The following ACACB variants were observed in gnomAD, a reference collection of about 807,000 sequenced individuals.
ACACB encodes acetyl-CoA carboxylase 2.
Under a neutral mutation model 278.8 loss-of-function variants are expected in ACACB, and 209 were observed. That is an observed-to-expected ratio of 0.75 (90% CI 0.67 to 0.84). The LOEUF is 0.84. ACACB is among the 40% of genes least tolerant of loss of function. ACACB has a pLI of 0.00. For missense variants in ACACB, 2,850 were observed against 3,269.0 expected (o/e 0.87, Z 3.13); for synonymous variants, 1,174 against 1,285.6 (o/e 0.91, Z 1.86).
chr12:109,149,142 G>A (rs577669951), intron 2 of ACACB, among the ~76,000 whole-genome samples: 68 of 152,240 alleles, frequency 4.5e-4, no homozygotes, highest in South Asian at 2.1e-3. Flanking sequence ...ATCAGTCAAC[G>A]AACTGCTAGT....
At chr12:109,229,927 G>A (rs2046420548) in intron 28 of ACACB, among the ~76,000 whole-genome samples, 2 of 152,168 alleles carry the variant, frequency 1.3e-5, no homozygotes, top group African/African-American at 2.4e-5. Context: ...TTTAGGTCAG[G>A]TAGAGTGGGA....
chr12:109,218,262 T>C (rs7358629), intron 24 of ACACB, among the ~76,000 whole-genome samples: 52,521 of 151,084 alleles, frequency 0.35, 9,588 homozygotes, highest in African/African-American at 0.47. Context: ...AGTGCAGTGG[T>C]GCCATCATGG....
intron 49 of ACACB, 54 bp from the exon 50 acceptor site, chr12:109,264,178 C>A: frequency 1.3e-6 from 2 of 1,574,104 alleles, no homozygotes; most frequent in Non-Finnish European, 1.7e-6. Context: ...AATCTCCACC[C>A]CATCACATAT....
At chr12:109,195,558 A>C (rs1286599516) in intron 16 of ACACB, among the ~76,000 whole-genome samples, 1 of 152,206 alleles carries the variant, frequency 6.6e-6, no homozygotes, top group Non-Finnish European at 1.5e-5. Flanking sequence ...AGGAAAACAA[A>C]TCCATCATGT....
rs544502510 is a variant in ACACB, at chr12:109,172,214, A to G, written c.1036-61A>G. On this transcript the variant is annotated intron_variant, in intron 5 of 52. Coordinates refer to ENST00000338432, the MANE Select transcript of ACACB (RefSeq NM_001093.4). ...TGGGGTTATAGGCGTGAGTTACTGC[A>G]CCTGGCTGGGAGGCATATTCTTGAA... 163 of 1,526,410 alleles carry G rather than the reference A, an allele frequency of 1.1e-4. 3 individuals carry two copies. The South Asian group carries it at 1.6e-3, about 15-fold the overall frequency. The allele number at this position is 1,526,410 out of a possible 1,614,324, so 94.6% of individuals were successfully genotyped here. A position where few individuals can be genotyped will look rare whatever the true frequency, so the allele number is the denominator to read the frequency against.
intron 34 of ACACB, 97 bp from the exon 35 acceptor site, chr12:109,239,733 T>C: frequency 7.3e-7 from 1 of 1,368,086 alleles, no homozygotes. Context: ...GGGAATGTTT[T>C]CCTCCTGTCT....
chr12:109,209,995 ATG>A lies in ACACB; in HGVS notation c.3249+646_3249+647del, dbSNP rs1438575526. Among the ~76,000 whole-genome samples, 12 of 114,160 alleles carry A rather than the reference ATG, an allele frequency of 1.1e-4. 2 individuals carry two copies. Among genetic ancestry groups the A allele is most frequent in the African/African-American group, 4.0e-4 (10 of 24,822 alleles). 74.9% of individuals were successfully genotyped at this position (114,160 alleles called of 152,430 possible). A position where few individuals can be genotyped will look rare whatever the true frequency, so the allele number is the denominator to read the frequency against. On this transcript the variant is annotated intron_variant, in intron 21 of 52. Coordinates refer to ENST00000338432, the MANE Select transcript of ACACB (RefSeq NM_001093.4). The stretch of plus-strand genomic sequence containing the variant: ...CACATACACACACGTGTGTGTATAT[ATG>A]TGTATATGTGTATATATACACACGT...
upstream of ACACB, among the ~76,000 whole-genome samples, chr12:109,112,630 C>G (rs1252800088): frequency 6.9e-6 from 1 of 145,974 alleles, no homozygotes; most frequent in Non-Finnish European, 1.5e-5. Context: ...TGAACCCGGG[C>G]GATCGCACCA....
chr12:109,261,555 G>T (rs1199035227), intron 48 of ACACB, among the ~76,000 whole-genome samples: 3 of 152,132 alleles, frequency 2.0e-5, no homozygotes, highest in African/African-American at 7.2e-5. Flanking sequence ...GGGGCAGGGG[G>T]AGAATAAGGG....
chr12:109,150,761 A>G (rs1379930748), intron 2 of ACACB, among the ~76,000 whole-genome samples: 1 of 152,178 alleles, frequency 6.6e-6, no homozygotes, highest in African/African-American at 2.4e-5. Context: ...CACATCTCTT[A>G]TCGGCTCCAA....
chr12:109,222,768 C>A, intron 25 of ACACB, 31 bp from the exon 26 acceptor site: 1 of 1,589,612 alleles, frequency 6.3e-7, no homozygotes, highest in Non-Finnish European at 8.6e-7. Context: ...GAGGTTGGCT[C>A]ACGCCAGCGC....
intron 13 of ACACB, 144 bp from the exon 14 acceptor site, chr12:109,191,469 C>T (rs1408806652): frequency 2.1e-6 from 2 of 970,520 alleles, no homozygotes; most frequent in African/African-American, 3.2e-5. Flanking sequence ...CTACCTCAGC[C>T]TCCCAAAGTG....
chr12:109,238,467 ATATAAT>A (rs2046701379), intron 34 of ACACB, among the ~76,000 whole-genome samples: 4 of 101,784 alleles, frequency 3.9e-5, no homozygotes, highest in South Asian at 7.2e-4. Context: ...ATAATATAAT[ATATAAT>A]ATGTTATATA....
intron 1 of ACACB, among the ~76,000 whole-genome samples, chr12:109,119,706 G>A (rs2042494462): frequency 6.6e-6 from 1 of 152,054 alleles, no homozygotes; most frequent in Non-Finnish European, 1.5e-5. Context: ...AGGCCAGCCT[G>A]ACCAACATGG....
rs141469796 is a variant in ACACB at position 109,175,932 on chromosome 12, C to A, written c.1218C>A (p.Gly406=). 2.0e-5 allele frequency: 33 copies of A among 1,613,730 alleles called. No individual in the cohort carries two copies. The African/African-American group carries it at 4.4e-4, about 22-fold the overall frequency. Reference sequence around the variant, plus strand: ...TCAGGTTTCTTTGTGACTCTCCAGGCCTGACAGTGGAGTGGACAGAAGATG... The same window carrying A: ...TCAGGTTTCTTTGTGACTCTCCAGGACTGACAGTGGAGTGGACAGAAGATG... The part of the protein sequence containing the change: ...QVPTLPWSGS[G]LTVEWTEDDL... The change falls in exon 8 of 53, where the codon GGC becomes GGA. Residue 406 remains glycine (G), a splice_region_variant and synonymous_variant. Transcript: ENST00000338432.
chr12:109,249,894 G>T, intron 40 of ACACB, 90 bp from the exon 41 acceptor site: 1 of 1,469,882 alleles, frequency 6.8e-7, no homozygotes, highest in South Asian at 1.4e-5. Flanking sequence ...CTCTCACCTT[G>T]CTGCCCAGTC....
chr12:109,205,705 C>T (rs945625866), intron 19 of ACACB, among the ~76,000 whole-genome samples: 6 of 151,984 alleles, frequency 3.9e-5, no homozygotes, highest in East Asian at 1.9e-4. Context: ...CCTCCCACCT[C>T]GGACTCCCAA....
chr12:109,248,719 A>G (rs1391142374), intron 40 of ACACB, among the ~76,000 whole-genome samples: 4 of 152,206 alleles, frequency 2.6e-5, no homozygotes, highest in African/African-American at 9.6e-5. Flanking sequence ...TTCCTCTCCC[A>G]GTCCACTGAC....
chr12:109,243,050 C>T (rs977581340), intron 37 of ACACB, among the ~76,000 whole-genome samples: 1 of 152,164 alleles, frequency 6.6e-6, no homozygotes, highest in Non-Finnish European at 1.5e-5. Context: ...CCAAATAAGA[C>T]TAATTTATCC....
Sources: allele counts gnomAD v4.1 joint callset (sites outside exome capture counted in the v4.1 genomes callset), GRCh38; gene constraint gnomAD v4.1.1; transcripts MANE v1.5; gene names NCBI Gene and HGNC (gene_info 2026-07-23, HGNC 2026-07-21).